Variants in CCNY observed in about 807,000 individuals in gnomAD.
The protein encoded by CCNY is cyclin-Y.
Under a neutral mutation model 42.8 loss-of-function variants are expected in CCNY, and 19 were observed. The observed-to-expected ratio is 0.44, with a 90% CI of 0.31 to 0.65. The LOEUF (loss-of-function observed/expected upper bound fraction) is 0.65, where lower values mean the gene tolerates loss of function less well. Among genes scored for constraint, CCNY ranks in the 30% least tolerant of loss-of-function variants. CCNY has a pLI of 0.07. For missense variants in CCNY, 370 were observed against 437.3 expected, an observed-to-expected ratio of 0.85 and a Z score of 1.37; for synonymous variants, 165 against 162.7, an observed-to-expected ratio of 1.01 and a Z score of -0.11.
rs555280592 is a variant in CCNY, at chr10:35,506,829, A to C, written c.264+5294A>C. Among the ~76,000 whole-genome samples, 17 of 152,298 alleles carry C rather than the reference A, an allele frequency of 1.1e-4. No individual in the cohort carries two copies. The East Asian group carries it at 3.3e-3, about 29-fold the overall frequency. On this transcript the variant is annotated intron_variant, in intron 3 of 9. Transcript: ENST00000374704. Reference sequence around the variant, plus strand: ...TATGTTGGAAGCCCTGATCTTTTGTATATAGTGTTAGGATATCATCCCTTA... The same window carrying C: ...TATGTTGGAAGCCCTGATCTTTTGTCTATAGTGTTAGGATATCATCCCTTA...
intron 3 of CCNY, among the ~76,000 whole-genome samples, chr10:35,301,539 C>T (rs943856216): frequency 4.6e-5 from 7 of 152,182 alleles, no homozygotes; most frequent in African/African-American, 1.4e-4. Flanking sequence ...CGGTATTTCT[C>T]TTACTCCCTG....
At chr10:35,556,147 T>C (rs999249475) in intron 8 of CCNY, among the ~76,000 whole-genome samples, 1 of 152,236 alleles carries the variant, frequency 6.6e-6, no homozygotes, top group Non-Finnish European at 1.5e-5. Flanking sequence ...TAGTGACTCA[T>C]GCAGCATTTG....
intron 7 of CCNY, among the ~76,000 whole-genome samples, chr10:35,547,627 G>A (rs891816194): frequency 2.0e-5 from 3 of 152,098 alleles, no homozygotes; most frequent in East Asian, 3.9e-4. Flanking sequence ...CGAATCACTC[G>A]TATGTAGTCC....
chr10:35,347,112 T>C (rs889570153), intron 1 of CCNY, among the ~76,000 whole-genome samples: 20 of 152,146 alleles, frequency 1.3e-4, no homozygotes, highest in Non-Finnish European at 2.5e-4. Context: ...AGTACTTCAC[T>C]GCAGACACAT....
At chr10:35,368,639 G>T (rs1836861367) in intron 1 of CCNY, among the ~76,000 whole-genome samples, 1 of 138,088 alleles carries the variant, frequency 7.2e-6, no homozygotes, top group African/African-American at 3.0e-5. Flanking sequence ...CCTCCTGGGG[G>T]TGTCAGCGCC....
chr10:35,292,686 C>G (rs1258458041), intron 3 of CCNY, among the ~76,000 whole-genome samples: 1 of 151,318 alleles, frequency 6.6e-6, no homozygotes, highest in African/African-American at 2.4e-5. Context: ...TTTATGGCGT[C>G]CAGTTTATCT....
intron 3 of CCNY, among the ~76,000 whole-genome samples, chr10:35,300,953 CA>C (rs1469708769): frequency 6.6e-6 from 1 of 152,008 alleles, no homozygotes; most frequent in Non-Finnish European, 1.5e-5. Context: ...TACAGGCGGC[CA>C]CCACCATGCC....
chr10:35,406,022 TG>T (rs1837751982), intron 1 of CCNY, among the ~76,000 whole-genome samples: 1 of 152,072 alleles, frequency 6.6e-6, no homozygotes, highest in Non-Finnish European at 1.5e-5. Flanking sequence ...GTGCTGGAGA[TG>T]TGGCTGGGGT....
chr10:35,311,014 AAAC>A (rs993376029), intron 3 of CCNY, among the ~76,000 whole-genome samples: 4 of 152,046 alleles, frequency 2.6e-5, no homozygotes, highest in Admixed American at 2.6e-4. Flanking sequence ...AAACAAAACA[AAAC>A]AAAACAAGAG....
intron 3 of CCNY, among the ~76,000 whole-genome samples, chr10:35,252,592 ATG>A (rs2095712765): frequency 6.2e-5 from 4 of 64,482 alleles, no homozygotes; most frequent in African/African-American, 3.2e-4. Flanking sequence ...AAAAAAAAAA[ATG>A]AGAATATCCT....
At chr10:35,478,810 G>T (rs894672297) in intron 1 of CCNY, among the ~76,000 whole-genome samples, 2 of 152,160 alleles carry the variant, frequency 1.3e-5, no homozygotes, top group Admixed American at 6.5e-5. Flanking sequence ...AAACTAAAGA[G>T]CTTCTGCACA....
chr10:35,568,981 G>A lies in CCNY; in HGVS notation c.910-73G>A, dbSNP rs114349307. The A allele has an allele frequency of 5.4e-4, 527 of 982,598 alleles. 2 individuals carry two copies. In the African/African-American group the frequency reaches 7.3e-3, roughly 14 times the overall value. 60.9% of individuals were successfully genotyped at this position (982,598 alleles called of 1,614,324 possible). A position where few individuals can be genotyped will look rare whatever the true frequency, so the allele number is the denominator to read the frequency against. On this transcript the variant is annotated intron_variant, in intron 9 of 9. Coordinates refer to ENST00000374704, the MANE Select transcript of CCNY (RefSeq NM_145012.6). Reference sequence around the variant, plus strand: ...TGCCTGTCCCTCATGCAGCGCCCTCGGCGCCCAGGACGAGTGAGCAATGGA... The same window carrying A: ...TGCCTGTCCCTCATGCAGCGCCCTCAGCGCCCAGGACGAGTGAGCAATGGA...
At chr10:35,271,748 C>T (rs959093163) in intron 3 of CCNY, among the ~76,000 whole-genome samples, 2 of 152,182 alleles carry the variant, frequency 1.3e-5, no homozygotes, top group Non-Finnish European at 2.9e-5. Context: ...ATTTCCTTGG[C>T]GCTTTGCCCT....
chr10:35,337,290 CT>C, intron 1 of CCNY, 83 bp downstream of exon 1: 1 of 1,326,920 alleles, frequency 7.5e-7, no homozygotes, highest in African/African-American at 1.5e-5. Flanking sequence ...GCTGCTCTTG[CT>C]TGCCCAGCCG....
intron 1 of CCNY, among the ~76,000 whole-genome samples, chr10:35,349,923 G>A (rs1260556422): frequency 6.6e-6 from 1 of 152,218 alleles, no homozygotes; most frequent in African/African-American, 2.4e-5. Context: ...AGAGCAATTT[G>A]CAGTGGTTCT....
chr10:35,571,787 A>G lies in CCNY; in HGVS notation c.*2617A>G, dbSNP rs1045912897. 6 of 152,366 alleles carry G rather than the reference A, an allele frequency of 3.9e-5. No homozygotes were observed. Among genetic ancestry groups the G allele is most frequent in the Admixed American group, 2.6e-4 (4 of 15,284 alleles). The allele number at this position is 152,366 out of a possible 1,614,324, so 9.4% of individuals were successfully genotyped here. On this transcript the variant is annotated 3_prime_UTR_variant, in exon 10 of 10. Coordinates refer to ENST00000374704, the MANE Select transcript of CCNY (RefSeq NM_145012.6). ...GCTCTACAATTAAAGCTGGATTACT[A>G]TTGAGGAACACATTGTCTTAGTGTA...
intron 1 of CCNY, among the ~76,000 whole-genome samples, chr10:35,352,465 A>C (rs911352279): frequency 1.3e-5 from 2 of 152,344 alleles, no homozygotes; most frequent in Middle Eastern, 3.4e-3. Flanking sequence ...AGCCACAGCC[A>C]TTGTAGGTGG....
chr10:35,304,302 T>A (rs534435788), intron 3 of CCNY, among the ~76,000 whole-genome samples: 774 of 52,252 alleles, frequency 0.015, 217 homozygotes, highest in South Asian at 0.072. Flanking sequence ...TTATTTTTTT[T>A]TTTTTTTTAT....
At chr10:35,515,029 A>C (rs1262357353) in intron 3 of CCNY, among the ~76,000 whole-genome samples, 1 of 152,226 alleles carries the variant, frequency 6.6e-6, no homozygotes, top group Non-Finnish European at 1.5e-5. Context: ...AATTGGTTTA[A>C]ATGTCTGGAT....
Sources: gnomAD v4.1 joint callset for allele counts (sites outside exome capture counted in the v4.1 genomes callset) on GRCh38, gnomAD v4.1.1 for gene constraint, MANE v1.5 for transcripts, NCBI Gene and HGNC (gene_info 2026-07-23, HGNC 2026-07-21) for gene names.